The following TBL1XR1 variants were observed in gnomAD, a reference collection of about 807,000 sequenced individuals.
The protein encoded by TBL1XR1 is F-box-like/WD repeat-containing protein TBL1XR1.
In TBL1XR1, 5 loss-of-function variants were observed where a neutral mutation model predicts 66.9. The ratio of observed to expected loss-of-function variants is 0.07; its 90% CI spans 0.04 to 0.16. The LOEUF is 0.16. Ranked by LOEUF, TBL1XR1 falls within the 10% of genes least tolerant of loss-of-function variation. The probability of loss-of-function intolerance (pLI) is 1.00; values close to 1 mark genes in which losing one functional copy is unlikely to be tolerated. For synonymous variants in TBL1XR1, 210 were observed against 206.0 expected (o/e 1.02, Z -0.17); for missense variants, 238 against 623.2 (o/e 0.38, Z 6.58).
At chr3:177,085,317 T>C (rs952551407) in intron 2 of TBL1XR1, among the ~76,000 whole-genome samples, 1 of 152,342 alleles carries the variant, frequency 6.6e-6, no homozygotes, top group Non-Finnish European at 1.5e-5. Context: ...CATAGTAGCT[T>C]AGCAAAGACT....
intron 7 of TBL1XR1, 56 bp downstream of exon 7, chr3:177,049,941 C>T: frequency 6.3e-7 from 1 of 1,578,754 alleles, no homozygotes. Flanking sequence ...GAGTATGAGG[C>T]TCTGAGGGTT....
chr3:177,098,280 CAA>C (rs1364122909), intron 2 of TBL1XR1, among the ~76,000 whole-genome samples, 184 bp downstream of exon 2: 3 of 150,948 alleles, frequency 2.0e-5, no homozygotes, highest in Non-Finnish European at 3.0e-5. Context: ...ACAAAATATT[CAA>C]AAGTTATTTT....
intron 2 of TBL1XR1, among the ~76,000 whole-genome samples, chr3:177,082,363 C>G (rs1721501759): frequency 6.6e-6 from 1 of 151,246 alleles, no homozygotes; most frequent in Non-Finnish European, 1.5e-5. Context: ...AATTGAGGTA[C>G]TTCAAAAAAA....
In TBL1XR1 at chr3:177,137,222, G is replaced by A. The variant is rs114532340; in HGVS notation, c.-121-38681C>T. ...GAAAGACATGGCCCGGCATGGCATG[G>A]TGGCTTGCGCCTGTAATCCCAGCAC... On this transcript the variant is annotated intron_variant, in intron 1 of 15. Transcript: ENST00000457928. Among the ~76,000 whole-genome samples, 1,163 of 152,380 alleles carry A rather than the reference G, an allele frequency of 7.6e-3. 8 individuals are homozygous for A. Among genetic ancestry groups the A allele is most frequent in the Non-Finnish European group, 0.012 (824 of 68,036 alleles).
At chr3:177,109,184 AC>A (rs1356314661) in intron 1 of TBL1XR1, among the ~76,000 whole-genome samples, 1 of 152,236 alleles carries the variant, frequency 6.6e-6, no homozygotes, top group Non-Finnish European at 1.5e-5. Context: ...AAACAAAATT[AC>A]ATTTAAAATT....
intron 1 of TBL1XR1, among the ~76,000 whole-genome samples, chr3:177,180,877 C>G (rs1198836472): frequency 6.6e-6 from 1 of 151,940 alleles, no homozygotes; most frequent in African/African-American, 2.4e-5. Context: ...GCTACGATTA[C>G]AGGCCACCAC....
intron 1 of TBL1XR1, among the ~76,000 whole-genome samples, chr3:177,118,860 G>A (rs1280818851): frequency 3.3e-5 from 5 of 152,128 alleles, no homozygotes; most frequent in African/African-American, 1.2e-4. Context: ...TAACCATTCA[G>A]GCATATTGCC....
chr3:177,142,943 C>A (rs942195917), intron 1 of TBL1XR1, among the ~76,000 whole-genome samples: 3 of 152,042 alleles, frequency 2.0e-5, no homozygotes, highest in Admixed American at 6.6e-5. Context: ...TGCCTTGTTT[C>A]AGCCATCATA....
At chr3:177,056,642 T>C (rs1717835940) in intron 3 of TBL1XR1, among the ~76,000 whole-genome samples, 2 of 152,312 alleles carry the variant, frequency 1.3e-5, no homozygotes, top group South Asian at 4.2e-4. Flanking sequence ...CAGTTTAAAA[T>C]TACTATGTTC....
chr3:177,029,597 G>A (rs2108391958), intron 14 of TBL1XR1, among the ~76,000 whole-genome samples: 1 of 152,180 alleles, frequency 6.6e-6, no homozygotes, highest in South Asian at 2.1e-4. Flanking sequence ...TTCCAGCCTA[G>A]GCGACATAGT....
In TBL1XR1 at chr3:177,034,322, A is replaced by G. The variant is rs1064795585; in HGVS notation, c.1126T>C (p.Trp376Arg). 1.3e-6 allele frequency: 2 copies of G among 1,541,194 alleles called. No homozygotes were observed. ...ACACAATTGTCTTGTTTCATACTCC[A>G]TATCTAAACAAAAAAGAAAAATGTA... ...SCSDDMTLKIWSMKQDNCVHD... is the reference protein window; with the variant it reads ...SCSDDMTLKIRSMKQDNCVHD... The change falls in exon 13 of 16, where the codon TGG becomes CGG. Residue 376 changes from tryptophan (W) to arginine (R), a missense_variant. Coordinates refer to ENST00000457928, the MANE Select transcript of TBL1XR1 (RefSeq NM_024665.7).
chr3:177,177,117 T>C (rs1258377983), intron 1 of TBL1XR1, among the ~76,000 whole-genome samples: 1 of 152,228 alleles, frequency 6.6e-6, no homozygotes, highest in East Asian at 1.9e-4. Flanking sequence ...GGATTCCATA[T>C]GCCAATGCCA....
At chr3:177,162,836 A>C (rs897244609) in intron 1 of TBL1XR1, among the ~76,000 whole-genome samples, 1 of 152,246 alleles carries the variant, frequency 6.6e-6, no homozygotes, top group Admixed American at 6.5e-5. Context: ...AAAATAAAAA[A>C]GAAATCAGAA....
chr3:177,030,452 A>C (rs993164411), intron 14 of TBL1XR1, among the ~76,000 whole-genome samples: 1 of 152,148 alleles, frequency 6.6e-6, no homozygotes, highest in African/African-American at 2.4e-5. Flanking sequence ...CAGCATGATT[A>C]ATTACAATTT....
intron 3 of TBL1XR1, among the ~76,000 whole-genome samples, 155 bp from the exon 4 acceptor site, chr3:177,054,073 T>TGTGCGC (rs145838308): frequency 1.3e-3 from 158 of 124,914 alleles, no homozygotes; most frequent in African/African-American, 1.6e-3. Flanking sequence ...TGTGTGTGTG[T>TGTGCGC]GCGCGCGCGT....
chr3:177,138,960 AAG>A (rs1355529791), intron 1 of TBL1XR1, among the ~76,000 whole-genome samples: 1 of 152,150 alleles, frequency 6.6e-6, no homozygotes, highest in African/African-American at 2.4e-5. Flanking sequence ...ACTACTATTC[AAG>A]AGAGAAGCCT....
At chr3:177,046,657 A>C (rs1456743483) in intron 9 of TBL1XR1, among the ~76,000 whole-genome samples, 1 of 152,166 alleles carries the variant, frequency 6.6e-6, no homozygotes, top group Non-Finnish European at 1.5e-5. Context: ...AGTGGCGGTG[A>C]CTATTAACAG....
chr3:177,125,234 A>G (rs1727465377), intron 1 of TBL1XR1, among the ~76,000 whole-genome samples: 1 of 152,180 alleles, frequency 6.6e-6, no homozygotes, highest in South Asian at 2.1e-4. Context: ...AAGACAAGCC[A>G]ATTTTGAAAT....
At chr3:177,085,539 A>G (rs1722010635) in intron 2 of TBL1XR1, among the ~76,000 whole-genome samples, 1 of 152,222 alleles carries the variant, frequency 6.6e-6, no homozygotes, top group African/African-American at 2.4e-5. Flanking sequence ...AAAGATGCCC[A>G]TGAAGGGACA....
Sources: allele counts gnomAD v4.1 joint callset (sites outside exome capture counted in the v4.1 genomes callset), GRCh38; gene constraint gnomAD v4.1.1; transcripts MANE v1.5; gene names NCBI Gene and HGNC (gene_info 2026-07-23, HGNC 2026-07-21).